Variants in WDPCP observed in about 807,000 individuals in gnomAD.
The protein encoded by WDPCP is WD repeat-containing and planar cell polarity effector protein fritz homolog.
A neutral mutation model predicts 93.1 loss-of-function variants in WDPCP; 71 were observed. The ratio of observed to expected loss-of-function variants is 0.76; its 90% CI spans 0.63 to 0.93. The LOEUF (loss-of-function observed/expected upper bound fraction) is 0.93. Among genes scored for constraint, WDPCP ranks in the 40% least tolerant of loss-of-function variants. WDPCP has a pLI of 0.00. For synonymous variants in WDPCP, 315 were observed against 315.0 expected, an observed-to-expected ratio of 1.00 and a Z score of 0.00; for missense variants, 844 against 887.4, an observed-to-expected ratio of 0.95 and a Z score of 0.62.
At chr2:63,454,844 T>A (rs934457902) in intron 6 of WDPCP, among the ~76,000 whole-genome samples, 3 of 152,076 alleles carry the variant, frequency 2.0e-5, no homozygotes, top group African/African-American at 7.2e-5. Flanking sequence ...GGAGCCCCTA[T>A]CAGACTAACA....
At chr2:63,607,513 G>A (rs1221703777) in intron 3 of WDPCP, among the ~76,000 whole-genome samples, 1 of 151,920 alleles carries the variant, frequency 6.6e-6, no homozygotes, top group African/African-American at 2.4e-5. Context: ...TCCAGCCTGG[G>A]CTACGAGGGA....
intron 1 of WDPCP, among the ~76,000 whole-genome samples, chr2:63,540,867 C>T (rs1211274872): frequency 6.6e-6 from 1 of 152,002 alleles, no homozygotes; most frequent in African/African-American, 2.4e-5. Flanking sequence ...GATCCTCCCT[C>T]CAAGTAGCTG....
chr2:63,261,202 T>A (rs1433670868), intron 13 of WDPCP, among the ~76,000 whole-genome samples: 2 of 137,660 alleles, frequency 1.5e-5, no homozygotes, highest in African/African-American at 2.8e-5. Flanking sequence ...TTTTTTTTTT[T>A]AATCTCCATT....
chr2:63,495,173 A>C (rs1469950295), intron 1 of WDPCP, among the ~76,000 whole-genome samples: 1 of 152,100 alleles, frequency 6.6e-6, no homozygotes, highest in African/African-American at 2.4e-5. Flanking sequence ...TACAGGTATG[A>C]AGTTGGAAAG....
intron 17 of WDPCP, among the ~76,000 whole-genome samples, chr2:63,142,842 GTGTGTGTACACACATATA>G (rs1671184236): frequency 6.8e-6 from 1 of 147,942 alleles, no homozygotes; most frequent in South Asian, 2.1e-4. Context: ...GTGTGTGTGT[GTGTGTGTACACACATATA>G]TATACACACA....
intron 2 of WDPCP, among the ~76,000 whole-genome samples, chr2:63,722,626 G>T (rs1485047215): frequency 8.7e-6 from 1 of 115,460 alleles, no homozygotes; most frequent in Non-Finnish European, 1.8e-5. Context: ...GTCAGCCCCC[G>T]CCCGGCCAGC....
At chr2:63,752,321 T>G (rs550234119) in intron 2 of WDPCP, 1 of 804,896 alleles carries the variant, frequency 1.2e-6, no homozygotes, top group African/African-American at 1.7e-5. Flanking sequence ...AACAAATACC[T>G]TTTTCACAGT....
At chr2:63,454,735 A>T (rs1276476082) in intron 6 of WDPCP, among the ~76,000 whole-genome samples, 5 of 152,168 alleles carry the variant, frequency 3.3e-5, no homozygotes, top group Non-Finnish European at 7.3e-5. Flanking sequence ...GATTCAATGC[A>T]AAAAGGTCTT....
rs1160857319 is a variant in WDPCP at position 63,381,979 on chromosome 2, G to T, written c.1551C>A (p.Gly517=). The T allele has an allele frequency of 1.2e-6, 2 of 1,613,474 alleles. No homozygotes were observed. Among genetic ancestry groups the T allele is most frequent in the Non-Finnish European group, 1.7e-6 (2 of 1,179,716 alleles). ...ILSSMNWDTL[G]HQCFISMSAI... is the part of the protein sequence containing the mutation. ...CGCTCATGCTGATAAAGCACTGGTG[G>T]CCCAGAGTGTCCCAGTTCATGCTGC... The change falls in exon 11 of 18, where the codon GGC becomes GGA. Residue 517 remains glycine (G), a synonymous_variant. Transcript: ENST00000272321.
At chr2:63,228,823 A>G (rs1328897393) in intron 14 of WDPCP, 2 of 152,110 alleles carry the variant, frequency 1.3e-5, no homozygotes, top group Non-Finnish European at 2.9e-5. Flanking sequence ...TTCTTAACCC[A>G]GTCTATCATT....
At chr2:63,285,415 C>T in intron 13 of WDPCP, among the ~76,000 whole-genome samples, 1 of 130,352 alleles carries the variant, frequency 7.7e-6, no homozygotes. Flanking sequence ...GCCTGGGTGA[C>T]AGAGTGAGAC....
intron 2 of WDPCP, among the ~76,000 whole-genome samples, chr2:63,729,271 G>A (rs76794492): frequency 0.017 from 2,532 of 152,196 alleles, 22 homozygotes; most frequent in African/African-American, 0.017. Flanking sequence ...AATAGATGCT[G>A]TATTAAATCT....
intron 2 of WDPCP, among the ~76,000 whole-genome samples, chr2:63,683,735 G>A (rs908122975): frequency 3.9e-5 from 6 of 151,994 alleles, no homozygotes; most frequent in Non-Finnish European, 7.4e-5. Flanking sequence ...TGTAGTCCCA[G>A]CTACTTGGAA....
At chr2:63,822,162 A>G (rs2104131590) in intron 1 of WDPCP, among the ~76,000 whole-genome samples, 1 of 152,266 alleles carries the variant, frequency 6.6e-6, no homozygotes, top group African/African-American at 2.4e-5. Flanking sequence ...TTATTATGTA[A>G]AATGACTGTT....
rs541637396 is a variant in WDPCP at position 63,661,418 on chromosome 2, G to A, written n.309-10580C>T. On this transcript the variant is annotated intron_variant and non_coding_transcript_variant, in intron 2 of 4. Transcript: ENST00000467687. Reference sequence around the variant, plus strand: ...TCCTCCATATCCTACTCATTAGACTGTAAACTTTTTGAAGGCTAGGACCAC... The same window carrying A: ...TCCTCCATATCCTACTCATTAGACTATAAACTTTTTGAAGGCTAGGACCAC... Among the ~76,000 whole-genome samples the A allele has an allele frequency of 3.9e-5, 6 of 152,284 alleles. No homozygotes were observed. In the South Asian group the frequency reaches 1.2e-3, roughly 32 times the overall value.
chr2:63,437,673 T>C (rs1463841707), intron 7 of WDPCP, 119 bp from the exon 8 acceptor site: 12 of 1,067,806 alleles, frequency 1.1e-5, no homozygotes, highest in Non-Finnish European at 1.6e-5. Flanking sequence ...CTAAAGTCTC[T>C]TGAATATCAT....
intron 2 of WDPCP, among the ~76,000 whole-genome samples, chr2:63,681,399 T>C (rs1710489922): frequency 6.6e-6 from 1 of 152,072 alleles, no homozygotes; most frequent in Non-Finnish European, 1.5e-5. Context: ...TTGGTGGTAG[T>C]CTGGTAGTAC....
chr2:63,585,214 A>T (rs1367753480), intron 1 of WDPCP, among the ~76,000 whole-genome samples: 1 of 152,188 alleles, frequency 6.6e-6, no homozygotes, highest in Non-Finnish European at 1.5e-5. Flanking sequence ...CCATAACTAA[A>T]TTTGGAATTA....
intron 1 of WDPCP, among the ~76,000 whole-genome samples, chr2:63,823,841 T>C (rs960541496): frequency 2.6e-5 from 4 of 152,272 alleles, no homozygotes; most frequent in South Asian, 2.1e-4. Context: ...GACTTCATTA[T>C]ATTTGGTCAA....
Sources: allele counts gnomAD v4.1 joint callset (sites outside exome capture counted in the v4.1 genomes callset), GRCh38; gene constraint gnomAD v4.1.1; transcripts MANE v1.5; gene names NCBI Gene and HGNC (gene_info 2026-07-23, HGNC 2026-07-21).